ADGRL3: variants seen among roughly 807,000 people sequenced by gnomAD.
ADGRL3 encodes adhesion G protein-coupled receptor L3, also known as calcium-independent alpha-latrotoxin receptor 3.
In ADGRL3, 62 loss-of-function variants were observed where a neutral mutation model predicts 153.5. The observed-to-expected ratio is 0.40, with a 90% CI of 0.33 to 0.50. The LOEUF is 0.50. Among genes scored for constraint, ADGRL3 ranks in the 20% least tolerant of loss-of-function variants. The pLI is 0.47. For missense variants in ADGRL3, 1,641 were observed against 1,859.4 expected (o/e 0.88, Z 2.16); for synonymous variants, 710 against 672.5 (o/e 1.06, Z -0.86).
chr4:61,490,617 T>C (rs1035361538), intron 2 of ADGRL3, among the ~76,000 whole-genome samples: 2 of 152,080 alleles, frequency 1.3e-5, no homozygotes, highest in Non-Finnish European at 2.9e-5. Context: ...ATTTAACTCA[T>C]TGTTGCTGCT....
At chr4:62,007,381 T>TATATATATATATATATATAC (rs1553908589) in intron 21 of ADGRL3, among the ~76,000 whole-genome samples, 3 of 9,296 alleles carry the variant, frequency 3.2e-4, no homozygotes, top group South Asian at 0.013. Context: ...TATATATATA[T>TATATATATATATATATATAC]ATACACACAC....
chr4:61,795,369 C>T (rs961789400), intron 8 of ADGRL3, among the ~76,000 whole-genome samples: 1 of 152,122 alleles, frequency 6.6e-6, no homozygotes, highest in African/African-American at 2.4e-5. Context: ...CTCGAGTGAT[C>T]CTCCCAGAGG....
chr4:61,845,641 T>C (rs1459843093), intron 9 of ADGRL3, among the ~76,000 whole-genome samples: 1 of 151,720 alleles, frequency 6.6e-6, no homozygotes, highest in Non-Finnish European at 1.5e-5. Flanking sequence ...GCTGAGATTA[T>C]AGGTGTAAGC....
intron 8 of ADGRL3, among the ~76,000 whole-genome samples, chr4:61,746,828 G>C (rs1276938542): frequency 6.6e-6 from 1 of 152,004 alleles, no homozygotes; most frequent in Non-Finnish European, 1.5e-5. Context: ...ACATTCAAAA[G>C]CTAGCAGAAG....
intron 1 of ADGRL3, among the ~76,000 whole-genome samples, chr4:61,217,058 A>T (rs1336787258): frequency 6.6e-6 from 1 of 152,198 alleles, no homozygotes; most frequent in Non-Finnish European, 1.5e-5. Context: ...TTTATAATTC[A>T]CTATTTATTT....
At chr4:61,539,419 A>G (rs1473420218) in intron 4 of ADGRL3, among the ~76,000 whole-genome samples, 1 of 152,116 alleles carries the variant, frequency 6.6e-6, no homozygotes, top group African/African-American at 2.4e-5. Context: ...GCACTCCCTC[A>G]TCCCCTATGG....
chr4:61,664,624 G>A (rs1016173152), intron 5 of ADGRL3, among the ~76,000 whole-genome samples: 1 of 151,706 alleles, frequency 6.6e-6, no homozygotes, highest in Non-Finnish European at 1.5e-5. Flanking sequence ...TCACATAGTG[G>A]GGATTCATTT....
At chr4:61,652,960 C>T (rs2094312911) in intron 5 of ADGRL3, among the ~76,000 whole-genome samples, 1 of 151,916 alleles carries the variant, frequency 6.6e-6, no homozygotes, top group Non-Finnish European at 1.5e-5. Context: ...TCTGCATCTC[C>T]CCACCCTTCC....
chr4:61,674,187 TA>T (rs2095108319), intron 5 of ADGRL3, among the ~76,000 whole-genome samples: 1 of 151,014 alleles, frequency 6.6e-6, no homozygotes, highest in African/African-American at 2.4e-5. Flanking sequence ...GATAGATAGA[TA>T]GATAGATGTG....
In ADGRL3 at chr4:61,899,543, G is replaced by GTATATATTTGAAA. The variant is rs1459298761; in HGVS notation, c.1887+3712_1887+3724dup. 2.0e-5 allele frequency among the ~76,000 whole-genome samples: 3 copies of GTATATATTTGAAA among 152,112 alleles called. No individual in the cohort carries two copies. In the East Asian group the frequency reaches 5.8e-4, roughly 29 times the overall value. On this transcript the variant is annotated intron_variant, in intron 11 of 26. Coordinates refer to ENST00000683033, the MANE Select transcript of ADGRL3 (RefSeq NM_001387552.1). ...CACAATATACACATGCAAAAAAAAAGTATATATTTGAAATAGTAGTTTTCT... is the reference window on the plus strand; with the variant it reads ...CACAATATACACATGCAAAAAAAAAGTATATATTTGAAATATATATTTGAAATAGTAGTTTTCT...
At chr4:61,545,756 C>T (rs948884061) in intron 4 of ADGRL3, among the ~76,000 whole-genome samples, 4 of 152,144 alleles carry the variant, frequency 2.6e-5, no homozygotes, top group African/African-American at 4.8e-5. Flanking sequence ...CTCAGGTGAT[C>T]TTCCTGCCTC....
At chr4:61,452,162 C>T (rs537857446) in intron 2 of ADGRL3, among the ~76,000 whole-genome samples, 1 of 152,258 alleles carries the variant, frequency 6.6e-6, no homozygotes, top group South Asian at 2.1e-4. Flanking sequence ...GGTTATGCTT[C>T]TGCCCTGGAG....
At chr4:61,535,107 T>C (rs2098647160) in intron 4 of ADGRL3, among the ~76,000 whole-genome samples, 1 of 151,908 alleles carries the variant, frequency 6.6e-6, no homozygotes, top group Non-Finnish European at 1.5e-5. Flanking sequence ...TTGAGGTATT[T>C]TTTTTTATGC....
At chr4:61,368,364 T>C (rs1466797875) in intron 1 of ADGRL3, among the ~76,000 whole-genome samples, 4 of 152,214 alleles carry the variant, frequency 2.6e-5, no homozygotes, top group Non-Finnish European at 2.9e-5. Flanking sequence ...GTTTTAGGTT[T>C]AACGTTTAAG....
At chr4:61,808,233 T>C (rs1221787250) in intron 8 of ADGRL3, among the ~76,000 whole-genome samples, 1 of 152,188 alleles carries the variant, frequency 6.6e-6, no homozygotes, top group East Asian at 1.9e-4. Flanking sequence ...AGAGGGACAG[T>C]GTTATCTTGT....
chr4:61,459,712 A>T (rs2097788765), intron 2 of ADGRL3, among the ~76,000 whole-genome samples: 1 of 151,852 alleles, frequency 6.6e-6, no homozygotes, highest in South Asian at 2.1e-4. Flanking sequence ...CCTTGCCAGA[A>T]TTTTTTTTGT....
At chr4:61,847,049 T>A (rs1270505335) in intron 9 of ADGRL3, among the ~76,000 whole-genome samples, 2 of 151,620 alleles carry the variant, frequency 1.3e-5, no homozygotes, top group African/African-American at 4.9e-5. Context: ...GGGCCCTGCC[T>A]CCAGCATTGG....
chr4:61,498,948 G>A (rs2098352499), intron 3 of ADGRL3, among the ~76,000 whole-genome samples: 1 of 151,966 alleles, frequency 6.6e-6, no homozygotes, highest in East Asian at 1.9e-4. Flanking sequence ...CTCATATGTT[G>A]ATGATAATTA....
intron 17 of ADGRL3, among the ~76,000 whole-genome samples, chr4:61,964,176 A>C (rs550048485): frequency 6.6e-6 from 1 of 152,244 alleles, no homozygotes; most frequent in South Asian, 2.1e-4. Context: ...AAATCATCTG[A>C]ACTTCTTGTT....
Sources: allele counts gnomAD v4.1 joint callset (sites outside exome capture counted in the v4.1 genomes callset), GRCh38; gene constraint gnomAD v4.1.1; transcripts MANE v1.5; gene names NCBI Gene and HGNC (gene_info 2026-07-23, HGNC 2026-07-21).